VAT1L: variants seen among roughly 807,000 people sequenced by gnomAD.
The protein encoded by VAT1L is putative NADPH-dependent quinone oxidoreductase VAT1L.
Under a neutral mutation model 44.1 loss-of-function variants are expected in VAT1L, and 34 were observed. That is an observed-to-expected ratio of 0.77 (90% CI 0.59 to 1.03). The LOEUF (loss-of-function observed/expected upper bound fraction) is 1.03. VAT1L is among the 50% of genes least tolerant of loss of function. The pLI is 0.00. For missense variants in VAT1L, 615 were observed against 538.8 expected, an observed-to-expected ratio of 1.14 and a Z score of -1.40; for synonymous variants, 253 against 202.2, an observed-to-expected ratio of 1.25 and a Z score of -2.13.
intron 4 of VAT1L, among the ~76,000 whole-genome samples, chr16:77,873,235 C>A (rs1479217699): frequency 6.6e-6 from 1 of 152,166 alleles, no homozygotes; most frequent in East Asian, 1.9e-4. Flanking sequence ...GAATTGAATT[C>A]CAGCTGTGCT....
Position 77,879,978 on chromosome 16 carries a change from C to T in VAT1L, c.882+754C>T, listed in dbSNP as rs2017132328. ...AGGACCCTATGACCTTAACAAGATC[C>T]TGAGGTGACTTGTAGACTCAGACAA... On this transcript the variant is annotated intron_variant, in intron 6 of 8. Coordinates refer to ENST00000302536, the MANE Select transcript of VAT1L (RefSeq NM_020927.3). This position sits in a 1 kb window ranked among gnomAD's most constrained non-coding sequence, Gnocchi z 4.1. 6.6e-6 allele frequency among the ~76,000 whole-genome samples: 1 copy of T among 152,252 alleles called. No homozygotes were observed. Among genetic ancestry groups the T allele is most frequent in the South Asian group, 2.1e-4 (1 of 4,822 alleles).
At chr16:77,864,967 C>CTTTT (rs869037679) in intron 4 of VAT1L, among the ~76,000 whole-genome samples, 45 of 95,378 alleles carry the variant, frequency 4.7e-4, no homozygotes, top group African/African-American at 9.0e-4. Context: ...TCTTCTTATC[C>CTTTT]TTTTTTTTTT....
intron 7 of VAT1L, among the ~76,000 whole-genome samples, chr16:77,914,009 T>C (rs949557372): frequency 2.6e-5 from 4 of 152,196 alleles, no homozygotes; most frequent in Non-Finnish European, 4.4e-5. Flanking sequence ...TCATCTGTTC[T>C]TTTGAAAACC....
chr16:77,919,825 C>T (rs1303437113), intron 7 of VAT1L, among the ~76,000 whole-genome samples: 2 of 152,184 alleles, frequency 1.3e-5, no homozygotes, highest in African/African-American at 4.8e-5. Context: ...TGGTAGCTCA[C>T]ACCTGCAATC....
chr16:77,869,746 C>G (rs987786343), intron 4 of VAT1L, among the ~76,000 whole-genome samples: 9 of 152,188 alleles, frequency 5.9e-5, no homozygotes, highest in Middle Eastern at 3.4e-3. Context: ...TAGGAAACTG[C>G]GATAAAGCAC....
Position 77,884,857 on chromosome 16 carries a change from T to A in VAT1L, c.1077+55T>A. 1 of 1,419,424 alleles carries A rather than the reference T, an allele frequency of 7.0e-7. No individual in the cohort carries two copies. The allele number at this position is 1,419,424 out of a possible 1,614,324, so 87.9% of individuals were successfully genotyped here. A position where few individuals can be genotyped will look rare whatever the true frequency, so the allele number is the denominator to read the frequency against. On this transcript the variant is annotated intron_variant, in intron 7 of 8. Coordinates refer to ENST00000302536, the MANE Select transcript of VAT1L (RefSeq NM_020927.3). This position sits in a 1 kb window ranked among gnomAD's most constrained non-coding sequence, Gnocchi z 4.5. The stretch of plus-strand genomic sequence containing the variant: ...AACTCCTCTTTTTAACTCAGGAAGG[T>A]TTGGGCAGCCAAATACAATCTTCTA...
chr16:77,927,254 C>T (rs1042582879), intron 7 of VAT1L, among the ~76,000 whole-genome samples: 1 of 150,140 alleles, frequency 6.7e-6, no homozygotes, highest in Non-Finnish European at 1.5e-5. Flanking sequence ...AGGAGAATGG[C>T]GTGAACCTGG....
intron 7 of VAT1L, among the ~76,000 whole-genome samples, chr16:77,913,099 T>C (rs2017515878): frequency 6.6e-6 from 1 of 152,192 alleles, no homozygotes; most frequent in Non-Finnish European, 1.5e-5. Context: ...GCTTTTGCTG[T>C]TTCTCCGATC....
At chr16:77,958,555 C>G (rs1314375428) in intron 7 of VAT1L, among the ~76,000 whole-genome samples, 1 of 152,188 alleles carries the variant, frequency 6.6e-6, no homozygotes, top group Non-Finnish European at 1.5e-5. Context: ...TTAACTAACA[C>G]AAACACTGGA....
At chr16:77,958,710 G>T (rs1597121401) in intron 7 of VAT1L, among the ~76,000 whole-genome samples, 1 of 152,060 alleles carries the variant, frequency 6.6e-6, no homozygotes, top group Non-Finnish European at 1.5e-5. Context: ...AACCCCTTAC[G>T]ACCATGATGT....
At chr16:77,910,851 C>G (rs1392683875) in intron 7 of VAT1L, among the ~76,000 whole-genome samples, 1 of 152,124 alleles carries the variant, frequency 6.6e-6, no homozygotes, top group African/African-American at 2.4e-5. Context: ...TCAGTATGTG[C>G]TATATGCCAG....
intron 1 of VAT1L, among the ~76,000 whole-genome samples, chr16:77,796,374 A>G (rs1015528516): frequency 1.3e-5 from 2 of 152,114 alleles, no homozygotes; most frequent in East Asian, 1.9e-4. Flanking sequence ...TCAGCTTTTC[A>G]TCTGATCTTC....
chr16:77,813,226 T>C (rs1240991993), intron 1 of VAT1L, among the ~76,000 whole-genome samples: 2 of 152,186 alleles, frequency 1.3e-5, no homozygotes, highest in African/African-American at 2.4e-5. Flanking sequence ...TTTAAGTTCA[T>C]AGATTTCACT....
In VAT1L at chr16:77,788,643, G is replaced by C. The variant is rs745550550; in HGVS notation, c.-40G>C. ...CCACTCCCCCAGCGCCGCAGCCACCGCAGCCACCGCAGCCCGTGCGCCCCG... is the reference window on the plus strand; with the variant it reads ...CCACTCCCCCAGCGCCGCAGCCACCCCAGCCACCGCAGCCCGTGCGCCCCG... On this transcript the variant is annotated 5_prime_UTR_variant, in exon 1 of 9. Coordinates refer to ENST00000302536, the MANE Select transcript of VAT1L (RefSeq NM_020927.3). The C allele has an allele frequency of 3.2e-6, 5 of 1,542,538 alleles. No individual in the cohort carries two copies. The South Asian group carries it at 6.0e-5, about 18-fold the overall frequency.
At chr16:77,956,730 G>T (rs773868704) in intron 7 of VAT1L, among the ~76,000 whole-genome samples, 1 of 152,124 alleles carries the variant, frequency 6.6e-6, no homozygotes, top group Non-Finnish European at 1.5e-5. Context: ...ACAAAGTGGG[G>T]GAGAACCGGC....
chr16:77,875,338 C>T (rs768467100), intron 4 of VAT1L, among the ~76,000 whole-genome samples: 1 of 152,216 alleles, frequency 6.6e-6, no homozygotes, highest in Admixed American at 6.5e-5. Flanking sequence ...GCTGTTAACA[C>T]ATGCTGCAAT....
intron 6 of VAT1L, among the ~76,000 whole-genome samples, chr16:77,882,994 G>A (rs1214736116): frequency 6.6e-6 from 1 of 152,066 alleles, no homozygotes; most frequent in Non-Finnish European, 1.5e-5. Context: ...CTCTCCGAAT[G>A]TGCTTTTGTA....
chr16:77,811,246 A>G (rs1224352926), intron 1 of VAT1L, among the ~76,000 whole-genome samples: 1 of 152,204 alleles, frequency 6.6e-6, no homozygotes, highest in Non-Finnish European at 1.5e-5. Context: ...AGTAGAAGAC[A>G]AGGGAGCATC....
In VAT1L at chr16:77,884,915, T is replaced by C; in HGVS notation, c.1077+113T>C. 4.2e-6 allele frequency: 5 copies of C among 1,181,330 alleles called. No homozygotes were observed. The South Asian group carries it at 7.3e-5, about 17-fold the overall frequency. 73.2% of individuals were successfully genotyped at this position (1,181,330 alleles called of 1,614,324 possible). On this transcript the variant is annotated intron_variant, in intron 7 of 8. Transcript: ENST00000302536. This position sits in a 1 kb window ranked among gnomAD's most constrained non-coding sequence, Gnocchi z 4.5. ...ATTTTTTTCCCAGATGGGTTTGTTT[T>C]AAATGAGGGTCCTAAAAGTCACCTG...
Sources: allele counts gnomAD v4.1 joint callset (sites outside exome capture counted in the v4.1 genomes callset), GRCh38; gene constraint gnomAD v4.1.1; non-coding constraint Gnocchi (gnomAD v3.1); transcripts MANE v1.5; gene names NCBI Gene and HGNC (gene_info 2026-07-23, HGNC 2026-07-21).